The following KCND1 variants were observed in gnomAD, a reference collection of about 807,000 sequenced individuals.
The protein encoded by KCND1 is A-type voltage-gated potassium channel KCND1.
Under a neutral mutation model 31.8 loss-of-function variants are expected in KCND1, and 11 were observed. The observed-to-expected ratio is 0.35, with a 90% CI of 0.22 to 0.57. The LOEUF is 0.57. Ranked by LOEUF, KCND1 falls within the 20% of genes least tolerant of loss-of-function variation. The pLI, the probability that KCND1 is intolerant of heterozygous loss-of-function variation, is 0.85. For missense variants in KCND1, 471 were observed against 596.8 expected (o/e 0.79, Z 2.20); for synonymous variants, 234 against 248.1 (o/e 0.94, Z 0.53).
In KCND1 at chrX:48,969,688, A is replaced by T; in HGVS notation, c.584T>A (p.Phe195Tyr). 8.3e-7 allele frequency: 1 copy of T among 1,209,688 alleles called. No homozygotes were observed. The highest frequency in any genetic ancestry group is 1.1e-6 in the Non-Finnish European group (1 of 894,768). ...ATTGGCGATGACCGACACGGCGATG[A>T]AGAAGCCGGTCACATAGTAGAAAAC... ...ALVFYYVTGF[F>Y]IAVSVIANVV... The change falls in exon 1 of 6, where the codon TTC (phenylalanine) becomes TAC (tyrosine). Residue 195 changes from phenylalanine (F) to tyrosine (Y), a missense_variant. Coordinates refer to ENST00000218176, the MANE Select transcript of KCND1 (RefSeq NM_004979.6).
chrX:48,968,448 T>A (rs1394059942), intron 1 of KCND1: 1 of 111,633 alleles, frequency 9.0e-6, no homozygotes, highest in Non-Finnish European at 1.9e-5. Flanking sequence ...TTGGGAGACA[T>A]GGGTCCCCAA....
intron 1 of KCND1, 120 bp from the exon 2 acceptor site, chrX:48,967,226 G>C: frequency 1.7e-6 from 1 of 584,034 alleles, no homozygotes; most frequent in Non-Finnish European, 2.7e-6. Context: ...CAAACCTTCT[G>C]AGTCCCTCAG....
chrX:48,967,132 G>T, intron 1 of KCND1, 26 bp from the exon 2 acceptor site: 2 of 1,181,323 alleles, frequency 1.7e-6, no homozygotes, highest in South Asian at 1.8e-5. Context: ...GTAGGCCAAG[G>T]TCAGGAAAAG....
In KCND1 at chrX:48,964,721, A is replaced by AG. The variant is rs1491227980; in HGVS notation, c.1718+1333_1718+1334insC. 6.8e-4 allele frequency among the ~76,000 whole-genome samples: 52 copies of AG among 75,968 alleles called. 2 individuals carry two copies. The highest frequency in any genetic ancestry group is 1.1e-3 in the East Asian group (3 of 2,705). 66.0% of individuals were successfully genotyped at this position (75,968 alleles called of 115,157 possible). A position where few individuals can be genotyped will look rare whatever the true frequency, so the allele number is the denominator to read the frequency against. Reference sequence around the variant, plus strand: ...GGCAACAAGAGCAAAACTTCGTCTCAAAAAAAAAAAAAAAAAATGCAGCCA... The same window carrying AG: ...GGCAACAAGAGCAAAACTTCGTCTCAGAAAAAAAAAAAAAAAAATGCAGCCA... On this transcript the variant is annotated intron_variant, in intron 5 of 5. Transcript: ENST00000218176.
In KCND1 at chrX:48,962,356, G is replaced by T; in HGVS notation, c.*225C>A. 9.8e-6 allele frequency: 4 copies of T among 406,979 alleles called. No homozygotes were observed. The highest frequency in any genetic ancestry group is 1.3e-5 in the Non-Finnish European group (3 of 231,560). The allele number at this position is 406,979 out of a possible 1,213,427, so 33.5% of individuals were successfully genotyped here. A position where few individuals can be genotyped will look rare whatever the true frequency, so the allele number is the denominator to read the frequency against. Reference sequence around the variant, plus strand: ...GAGGCCAGGGGCCTGTGGAAGCCCAGTGCTTCAGCTCCCACCAGGAAAAAT... The same window carrying T: ...GAGGCCAGGGGCCTGTGGAAGCCCATTGCTTCAGCTCCCACCAGGAAAAAT... On this transcript the variant is annotated 3_prime_UTR_variant, in exon 6 of 6. Transcript: ENST00000218176.
chrX:48,965,014 T>TCTA (rs2064345509), intron 5 of KCND1, among the ~76,000 whole-genome samples: 2 of 73,659 alleles, frequency 2.7e-5, no homozygotes, highest in South Asian at 2.3e-3. Flanking sequence ...AGACTCCGTC[T>TCTA]AAAAAAAAAA....
rs781797726 is a variant in KCND1, at chrX:48,966,169, C to T, written c.1604G>A (p.Arg535His). 1.8e-5 allele frequency: 22 copies of T among 1,209,198 alleles called. No homozygotes were observed. Among genetic ancestry groups the T allele is most frequent in the Non-Finnish European group, 2.2e-5 (20 of 895,128 alleles). The change falls in exon 5 of 6, where the codon CGC becomes CAC. Residue 535 changes from arginine (R) to histidine (H), a missense_variant. Arg to His is a conservative substitution (Grantham distance 29). Coordinates refer to ENST00000218176, the MANE Select transcript of KCND1 (RefSeq NM_004979.6). ...GCGGATGGCGCGGCGCTTGGCCCTG[C>T]GAGGGCAGCAAGAAGACAGCAGGCT... The part of the protein sequence containing the change: ...PGSLLSSCCP[R>H]RAKRRAIRLA...
At chrX:48,967,332 C>T (rs1157530346) in intron 1 of KCND1, 2 of 385,175 alleles carry the variant, frequency 5.2e-6, no homozygotes, top group Non-Finnish European at 9.0e-6. Context: ...ACATACCAAG[C>T]ACCTGAGTCA....
intron 5 of KCND1, among the ~76,000 whole-genome samples, chrX:48,963,229 C>T (rs1437571535): frequency 1.8e-5 from 2 of 109,941 alleles, no homozygotes; most frequent in Non-Finnish European, 3.8e-5. Context: ...GGGCGGATCA[C>T]GAGATCAGGA....
intron 4 of KCND1, 122 bp from the exon 5 acceptor site, chrX:48,966,427 T>C: frequency 9.6e-7 from 1 of 1,039,234 alleles, no homozygotes; most frequent in South Asian, 2.3e-5. Flanking sequence ...CCCTTGCCCA[T>C]TCTTCAAGGC....
intron 1 of KCND1, among the ~76,000 whole-genome samples, chrX:48,968,803 C>T (rs1288719698): frequency 1.8e-5 from 2 of 112,165 alleles, no homozygotes; most frequent in African/African-American, 6.5e-5. Context: ...CCTGTAATCC[C>T]GGCACTTTGG....
At chrX:48,965,881 A>G (rs1423989548) in intron 5 of KCND1, among the ~76,000 whole-genome samples, 174 bp downstream of exon 5, 4 of 111,124 alleles carry the variant, frequency 3.6e-5, no homozygotes, top group Non-Finnish European at 5.7e-5. Context: ...CTCAAAAAAA[A>G]AAAAAAAAGA....
chrX:48,969,813 T>C lies in KCND1; in HGVS notation c.459A>G (p.Ala153=), dbSNP rs1557058617. 4 of 1,209,465 alleles carry C rather than the reference T, an allele frequency of 3.3e-6. No homozygotes were observed. Among genetic ancestry groups the C allele is most frequent in the African/African-American group, 1.7e-5 (1 of 57,991 alleles). ...GGGCTGGGCCGTCCCCGGCCTGCTC[T>C]GCCTCCTCATCCTCTGCCAGGCGCT... The part of the protein sequence containing the change: ...NAERLAEDEE[A]EQAGDGPALP... Residue 153 remains alanine (A), a synonymous_variant, in exon 1 of 6, where the codon GCA becomes GCG. Transcript: ENST00000218176.
At position 48,962,737 on chromosome X, in the gene KCND1, A is replaced by G; in HGVS notation, c.1788T>C (p.Ala596=). The G allele has an allele frequency of 2.5e-6, 3 of 1,210,881 alleles. No homozygotes were observed. Among genetic ancestry groups the G allele is most frequent in the South Asian group, 3.5e-5 (2 of 56,804 alleles). The change falls in exon 6 of 6, where the codon GCT becomes GCC. Residue 596 remains alanine (A), a synonymous_variant. Transcript: ENST00000218176. ...DLNCDSRDFV[A]AIISIPTPPA... ...GAGGGGTAGGGATGCTGATAATGGCAGCCACGAAGTCCCGGCTGTCGCAGT... is the reference window on the plus strand; with the variant it reads ...GAGGGGTAGGGATGCTGATAATGGCGGCCACGAAGTCCCGGCTGTCGCAGT...
At position 48,969,497 on chromosome X, in the gene KCND1, A is replaced by C; in HGVS notation, c.775T>G (p.Phe259Val). ...ATGAGGCTCATGACACTCCGCAGGA[A>C]GCGGCAACGGCTGGGGGCGGCAAAC... Reference protein sequence around the residue: ...RLFAAPSRCRFLRSVMSLIDV... With the variant: ...RLFAAPSRCRVLRSVMSLIDV... The change falls in exon 1 of 6, where the codon TTC (phenylalanine) becomes GTC (valine). Residue 259 changes from phenylalanine to valine, a missense_variant. Physicochemically the swap from Phe to Val is conservative, Grantham distance 50. Transcript: ENST00000218176. The C allele has an allele frequency of 8.3e-7, 1 of 1,211,739 alleles. No homozygotes were observed. Among genetic ancestry groups the C allele is most frequent in the Non-Finnish European group, 1.1e-6 (1 of 895,354 alleles).
At chrX:48,964,867 C>A (rs1602456273) in intron 5 of KCND1, among the ~76,000 whole-genome samples, 3 of 97,953 alleles carry the variant, frequency 3.1e-5, no homozygotes. Flanking sequence ...ACTAAAAATA[C>A]AAAAATTAGC....
Position 48,966,576 on chromosome X carries a change from A to G in KCND1, c.1467+2T>C. On this transcript the variant is annotated splice_donor_variant, in intron 4 of 5. Coordinates refer to ENST00000218176, the MANE Select transcript of KCND1 (RefSeq NM_004979.6). LOFTEE classifies it high-confidence loss of function. ...GCTATATCACCTCACATTAGGCCTC[A>G]CCGTTGTCTTCTCTAGACAGTGCAG... 5 of 1,205,752 alleles carry G rather than the reference A, an allele frequency of 4.1e-6. No individual in the cohort carries two copies. The highest frequency in any genetic ancestry group is 5.6e-6 in the Non-Finnish European group (5 of 891,022).
chrX:48,962,473 G>T lies in KCND1; in HGVS notation c.*108C>A. The T allele has an allele frequency of 1.9e-6, 1 of 515,666 alleles. No homozygotes were observed. The highest frequency in any genetic ancestry group is 3.3e-6 in the Non-Finnish European group (1 of 305,746). 42.5% of individuals were successfully genotyped at this position (515,666 alleles called of 1,213,427 possible). On this transcript the variant is annotated 3_prime_UTR_variant, in exon 6 of 6. Transcript: ENST00000218176. ...CTCCATTGCATAGTTCTCAGTGGGG[G>T]GGGCAGAAGGGGTGCCCAAGCCTGC... is the stretch of plus-strand genomic sequence containing the variant.
intron 1 of KCND1, chrX:48,967,482 G>T (rs957343600): frequency 2.8e-5 from 5 of 177,155 alleles, no homozygotes; most frequent in Non-Finnish European, 5.3e-5. Context: ...TGTTGGTTTT[G>T]GCTGCCTCTG....
Sources: gnomAD v4.1 joint callset for allele counts (sites outside exome capture counted in the v4.1 genomes callset) on GRCh38, gnomAD v4.1.1 for gene constraint, MANE v1.5 for transcripts, NCBI Gene and HGNC (gene_info 2026-07-23, HGNC 2026-07-21) for gene names.